Variants in RAPGEF1 observed in about 807,000 individuals in gnomAD.
RAPGEF1 encodes CRK SH3-binding GNRP.
In RAPGEF1, 33 loss-of-function variants were observed where a neutral mutation model predicts 143.3. The observed-to-expected ratio is 0.23, with a 90% CI of 0.17 to 0.31. RAPGEF1 has a LOEUF of 0.31. Among genes scored for constraint, RAPGEF1 ranks in the 10% least tolerant of loss-of-function variants. The pLI is 1.00. For missense variants in RAPGEF1, 1,199 were observed against 1,645.4 expected, an observed-to-expected ratio of 0.73 and a Z score of 4.69; for synonymous variants, 629 against 676.5, an observed-to-expected ratio of 0.93 and a Z score of 1.09.
chr9:131,586,629 CCTGCAG>C (rs1952942798), intron 22 of RAPGEF1, among the ~76,000 whole-genome samples: 2 of 121,026 alleles, frequency 1.7e-5, no homozygotes, highest in African/African-American at 7.6e-5. Context: ...CACACACACA[CCTGCAG>C]AGACTCCGTC....
rs928874736 is a variant in RAPGEF1 at position 131,704,589 on chromosome 9, C to T, written c.61+35181G>A. On this transcript the variant is annotated intron_variant, in intron 1 of 26. Coordinates refer to ENST00000683357, the MANE Select transcript of RAPGEF1 (RefSeq NM_001377935.1). Reference sequence around the variant, plus strand: ...ATTTCCATTTACCAGGCTGGTATGGCCTGGAGCTGCTGGGATTTTTGAAGG... The same window carrying T: ...ATTTCCATTTACCAGGCTGGTATGGTCTGGAGCTGCTGGGATTTTTGAAGG... Among the ~76,000 whole-genome samples, 9 of 152,104 alleles carry T rather than the reference C, an allele frequency of 5.9e-5. 1 individual carries two copies. Among genetic ancestry groups the T allele is most frequent in the African/African-American group, 2.4e-5 (1 of 41,494 alleles).
At chr9:131,705,551 G>A (rs1402371136) in intron 1 of RAPGEF1, among the ~76,000 whole-genome samples, 3 of 152,062 alleles carry the variant, frequency 2.0e-5, no homozygotes, top group Non-Finnish European at 2.9e-5. Flanking sequence ...CCACTGCTTC[G>A]TCCCACTCCC....
chr9:131,664,007 C>T (rs2130583643), intron 1 of RAPGEF1, among the ~76,000 whole-genome samples: 1 of 152,262 alleles, frequency 6.6e-6, no homozygotes, highest in Non-Finnish European at 1.5e-5. Context: ...GGCCCCCACC[C>T]TTTACTTTTT....
intron 1 of RAPGEF1, among the ~76,000 whole-genome samples, chr9:131,703,406 T>C (rs1254635271): frequency 6.6e-6 from 1 of 152,202 alleles, no homozygotes; most frequent in African/African-American, 2.4e-5. Flanking sequence ...TCAACCAAAA[T>C]TAAATGTAAC....
At chr9:131,705,211 G>C (rs534450140) in intron 1 of RAPGEF1, among the ~76,000 whole-genome samples, 7 of 152,312 alleles carry the variant, frequency 4.6e-5, no homozygotes, top group Admixed American at 1.3e-4. Flanking sequence ...CCCTGCATAA[G>C]CCTACCCTTC....
chr9:131,584,035 G>A lies in RAPGEF1; in HGVS notation c.3414+276C>T, dbSNP rs1952299041. 6.6e-6 allele frequency among the ~76,000 whole-genome samples: 1 copy of A among 152,290 alleles called. No individual in the cohort carries two copies. The highest frequency in any genetic ancestry group is 6.5e-5 in the Admixed American group (1 of 15,306). Reference sequence around the variant, plus strand: ...CGGGCTGAGGGCGGGCGGGGGAGGCGGGAACCCAGGGATGGGCCTGCTGGG... The same window carrying A: ...CGGGCTGAGGGCGGGCGGGGGAGGCAGGAACCCAGGGATGGGCCTGCTGGG... On this transcript the variant is annotated intron_variant, in intron 24 of 26. Transcript: ENST00000683357. The surrounding 1 kb of genome is among the most constrained non-coding windows in gnomAD (Gnocchi z 6.8).
intron 1 of RAPGEF1, among the ~76,000 whole-genome samples, chr9:131,674,964 G>A (rs1832058924): frequency 6.6e-6 from 1 of 152,128 alleles, no homozygotes; most frequent in Admixed American, 6.5e-5. Flanking sequence ...CTTAAACCTT[G>A]GTCCGGTTCC....
At chr9:131,671,086 C>T (rs948733165) in intron 1 of RAPGEF1, among the ~76,000 whole-genome samples, 2 of 152,190 alleles carry the variant, frequency 1.3e-5, no homozygotes, top group Non-Finnish European at 2.9e-5. Context: ...GGGGAATGCC[C>T]CTAGGAAAAA....
intron 15 of RAPGEF1, 25 bp downstream of exon 15, chr9:131,602,036 C>T: frequency 6.4e-7 from 1 of 1,563,254 alleles, no homozygotes; most frequent in Non-Finnish European, 8.7e-7. Flanking sequence ...TCGGGGGACC[C>T]AGCTCCTCTG....
At chr9:131,687,235 C>A (rs975312508) in intron 1 of RAPGEF1, among the ~76,000 whole-genome samples, 9 of 152,142 alleles carry the variant, frequency 5.9e-5, no homozygotes, top group African/African-American at 2.2e-4. Context: ...CTGTCCTCCC[C>A]GCTTGAATGC....
At chr9:131,611,796 C>T (rs576847855) in intron 12 of RAPGEF1, among the ~76,000 whole-genome samples, 3 of 152,304 alleles carry the variant, frequency 2.0e-5, no homozygotes, top group East Asian at 1.9e-4. Flanking sequence ...CGCCTCTCAA[C>T]GTCCAGCCTA....
At chr9:131,594,183 C>A (rs751892604) in intron 17 of RAPGEF1, among the ~76,000 whole-genome samples, 1 of 152,206 alleles carries the variant, frequency 6.6e-6, no homozygotes, top group Non-Finnish European at 1.5e-5. Flanking sequence ...GCTTCTGGGA[C>A]GGGCAGTGCT....
chr9:131,587,617 C>T (rs566237031), intron 22 of RAPGEF1, 119 bp downstream of exon 22: 12 of 923,538 alleles, frequency 1.3e-5, no homozygotes, highest in African/African-American at 1.2e-4. Context: ...AGGAGCTTAG[C>T]GGAATGAAAG....
chr9:131,691,739 T>A (rs1320326445), intron 1 of RAPGEF1, among the ~76,000 whole-genome samples: 1 of 152,188 alleles, frequency 6.6e-6, no homozygotes, highest in Non-Finnish European at 1.5e-5. Flanking sequence ...CTGATGGGCT[T>A]GTGAAACTAC....
chr9:131,580,637 G>A (rs1198187965), intron 25 of RAPGEF1, among the ~76,000 whole-genome samples: 3 of 152,238 alleles, frequency 2.0e-5, no homozygotes, highest in Admixed American at 6.5e-5. Flanking sequence ...AGGGTGATGC[G>A]GCTGCCATGG....
At chr9:131,681,556 T>C (rs1832909606) in intron 1 of RAPGEF1, among the ~76,000 whole-genome samples, 1 of 152,236 alleles carries the variant, frequency 6.6e-6, no homozygotes, top group Non-Finnish European at 1.5e-5. Flanking sequence ...TGATTCCTAC[T>C]GACTGGGATG....
At chr9:131,732,994 T>C (rs1326043525) in intron 1 of RAPGEF1, among the ~76,000 whole-genome samples, 1 of 152,092 alleles carries the variant, frequency 6.6e-6, no homozygotes, top group Non-Finnish European at 1.5e-5. Flanking sequence ...GGCATTTCCA[T>C]GGAATTTACT....
intron 12 of RAPGEF1, among the ~76,000 whole-genome samples, chr9:131,613,892 T>C (rs1158354088): frequency 1.3e-5 from 2 of 152,192 alleles, no homozygotes; most frequent in East Asian, 1.9e-4. Flanking sequence ...GGTATAGACT[T>C]GTAGACTACA....
intron 25 of RAPGEF1, among the ~76,000 whole-genome samples, chr9:131,581,402 A>C (rs1164356721): frequency 6.6e-6 from 1 of 151,816 alleles, no homozygotes; most frequent in Non-Finnish European, 1.5e-5. Flanking sequence ...TTAAACAAAG[A>C]AACTGGCTGG....
Sources: gnomAD v4.1 joint callset for allele counts (sites outside exome capture counted in the v4.1 genomes callset) on GRCh38, gnomAD v4.1.1 for gene constraint, Gnocchi (gnomAD v3.1) non-coding constraint, MANE v1.5 for transcripts, NCBI Gene and HGNC (gene_info 2026-07-23, HGNC 2026-07-21) for gene names.